PDZRN4: variants seen among roughly 807,000 people sequenced by gnomAD.
PDZRN4 encodes PDZ domain containing ring finger 4, also known as PDZ domain-containing RING finger protein 4.
In PDZRN4, 70 loss-of-function variants were observed where a neutral mutation model predicts 99.0. That is an observed-to-expected ratio of 0.71 (90% CI 0.58 to 0.86). The LOEUF (loss-of-function observed/expected upper bound fraction) is 0.86, where lower values mean the gene tolerates loss of function less well. Ranked by LOEUF, PDZRN4 falls within the 40% of genes least tolerant of loss-of-function variation. The pLI, the probability that PDZRN4 is intolerant of heterozygous loss-of-function variation, is 0.00. For synonymous variants in PDZRN4, 551 were observed against 501.6 expected, an observed-to-expected ratio of 1.10 and a Z score of -1.32; for missense variants, 1,474 against 1,331.2, an observed-to-expected ratio of 1.11 and a Z score of -1.67.
intron 7 of PDZRN4, among the ~76,000 whole-genome samples, chr12:41,558,879 A>G (rs1939215493): frequency 6.6e-6 from 1 of 152,182 alleles, no homozygotes; most frequent in Non-Finnish European, 1.5e-5. Context: ...AGAGACAAAT[A>G]GCTCCCTTAT....
intron 3 of PDZRN4, among the ~76,000 whole-genome samples, chr12:41,394,722 A>T (rs1264223705): frequency 6.6e-6 from 1 of 151,994 alleles, no homozygotes; most frequent in Non-Finnish European, 1.5e-5. Context: ...TGCATGCACC[A>T]TCATAGATTT....
chr12:41,413,630 A>G (rs1565576659), intron 3 of PDZRN4, among the ~76,000 whole-genome samples: 1 of 152,154 alleles, frequency 6.6e-6, no homozygotes, highest in Non-Finnish European at 1.5e-5. Context: ...ATGTTTATTC[A>G]TTGTGTACTG....
chr12:41,198,331 C>G (rs943791436), intron 3 of PDZRN4, among the ~76,000 whole-genome samples: 17 of 151,944 alleles, frequency 1.1e-4, no homozygotes, highest in Non-Finnish European at 1.5e-5. Context: ...CCCAGCACTC[C>G]CCTAACCCCT....
intron 5 of PDZRN4, among the ~76,000 whole-genome samples, chr12:41,522,912 C>G: frequency 6.6e-6 from 1 of 152,072 alleles, no homozygotes; most frequent in East Asian, 1.9e-4. Context: ...AGTCCTCATT[C>G]ACTCTTCCCT....
At chr12:41,378,618 G>T (rs1487222422) in intron 3 of PDZRN4, among the ~76,000 whole-genome samples, 2 of 147,286 alleles carry the variant, frequency 1.4e-5, no homozygotes, top group Non-Finnish European at 3.0e-5. Context: ...TGCCTCCCAG[G>T]TTCAAGCAAT....
chr12:41,246,508 G>A (rs1310405642), intron 3 of PDZRN4, among the ~76,000 whole-genome samples: 3 of 152,180 alleles, frequency 2.0e-5, no homozygotes, highest in Non-Finnish European at 4.4e-5. Context: ...AACGTTTGCA[G>A]TTTGTTGCCC....
chr12:41,538,922 C>A (rs1325652505), intron 5 of PDZRN4, among the ~76,000 whole-genome samples: 1 of 151,744 alleles, frequency 6.6e-6, no homozygotes, highest in African/African-American at 2.4e-5. Context: ...TAACAGTGCA[C>A]AAAATTCTAT....
intron 3 of PDZRN4, among the ~76,000 whole-genome samples, chr12:41,225,617 C>T (rs1023706020): frequency 1.3e-4 from 19 of 141,766 alleles, no homozygotes; most frequent in African/African-American, 4.2e-4. Context: ...ATTTTAATTT[C>T]TCTCTGTTTT....
chr12:41,376,222 G>T (rs11180865), intron 3 of PDZRN4, among the ~76,000 whole-genome samples: 5,026 of 152,064 alleles, frequency 0.033, 119 homozygotes, highest in African/African-American at 0.071. Context: ...TACTGATTTT[G>T]TTTCCTTCAG....
intron 5 of PDZRN4, among the ~76,000 whole-genome samples, chr12:41,549,212 C>G (rs1234250471): frequency 6.6e-6 from 1 of 152,264 alleles, no homozygotes; most frequent in Non-Finnish European, 1.5e-5. Context: ...TTTCATCAAA[C>G]AGCTTCCAAG....
intron 3 of PDZRN4, among the ~76,000 whole-genome samples, chr12:41,366,155 G>A (rs6582332): frequency 0.63 from 95,649 of 151,964 alleles, 30,533 homozygotes; most frequent in East Asian, 0.78. Flanking sequence ...AAAGTTTATG[G>A]TGCATGATAC....
At chr12:41,488,979 A>G (rs1301192765) in intron 3 of PDZRN4, among the ~76,000 whole-genome samples, 1 of 152,200 alleles carries the variant, frequency 6.6e-6, no homozygotes, top group Non-Finnish European at 1.5e-5. Flanking sequence ...TCTAACCCAC[A>G]GCCCATGGGC....
intron 5 of PDZRN4, among the ~76,000 whole-genome samples, chr12:41,539,338 G>A (rs1013418267): frequency 5.3e-4 from 80 of 152,000 alleles, no homozygotes; most frequent in African/African-American, 1.9e-3. Context: ...ATGATCTTTT[G>A]TTATATTTTT....
intron 5 of PDZRN4, 39 bp from the exon 6 acceptor site, chr12:41,552,617 C>G (rs1352380728): frequency 3.4e-6 from 5 of 1,483,614 alleles, no homozygotes; most frequent in Non-Finnish European, 4.7e-6. Flanking sequence ...CAGATTTTCT[C>G]TCTGACATAA....
chr12:41,211,366 T>C (rs2120697028), intron 3 of PDZRN4, among the ~76,000 whole-genome samples: 1 of 152,152 alleles, frequency 6.6e-6, no homozygotes, highest in South Asian at 2.1e-4. Context: ...AGAAAATCTG[T>C]TGTAGAATAT....
intron 3 of PDZRN4, among the ~76,000 whole-genome samples, chr12:41,259,813 A>T (rs558006299): frequency 3.2e-4 from 49 of 152,274 alleles, no homozygotes; most frequent in African/African-American, 1.2e-3. Flanking sequence ...TCTCTTTTAG[A>T]TATCTTCATT....
intron 3 of PDZRN4, among the ~76,000 whole-genome samples, chr12:41,227,430 CG>C (rs1951001983): frequency 6.6e-6 from 1 of 151,990 alleles, no homozygotes; most frequent in African/African-American, 2.4e-5. Flanking sequence ...TTTGGAAAGC[CG>C]AGGTGGGAGG....
At chr12:41,467,009 A>T (rs1355769231) in intron 3 of PDZRN4, among the ~76,000 whole-genome samples, 1 of 152,244 alleles carries the variant, frequency 6.6e-6, no homozygotes, top group Non-Finnish European at 1.5e-5. Context: ...TGCTTGCTGC[A>T]GAATGGCTGG....
At chr12:41,225,534 T>C (rs1057079653) in intron 3 of PDZRN4, among the ~76,000 whole-genome samples, 1 of 152,134 alleles carries the variant, frequency 6.6e-6, no homozygotes, top group Non-Finnish European at 1.5e-5. Context: ...TATACTTAAA[T>C]GCTTTTGTAA....
Sources: allele counts gnomAD v4.1 joint callset (sites outside exome capture counted in the v4.1 genomes callset), GRCh38; gene constraint gnomAD v4.1.1; transcripts MANE v1.5; gene names NCBI Gene and HGNC (gene_info 2026-07-23, HGNC 2026-07-21).